Variants in LIMS1 observed in about 807,000 individuals in gnomAD.
The protein encoded by LIMS1 is LIM zinc finger domain containing 1.
In LIMS1, 18 loss-of-function variants were observed where a neutral mutation model predicts 44.1. The observed-to-expected ratio is 0.41, with a 90% confidence interval of 0.28 to 0.61. The LOEUF is 0.61. Ranked by LOEUF, LIMS1 falls within the 20% of genes least tolerant of loss-of-function variation. The pLI, the probability that LIMS1 is intolerant of heterozygous loss-of-function variation, is 0.32. For synonymous variants in LIMS1, 93 were observed against 149.1 expected, an observed-to-expected ratio of 0.62 and a Z score of 2.74; for missense variants, 201 against 422.0, an observed-to-expected ratio of 0.48 and a Z score of 4.59.
At chr2:108,656,034 G>A (rs1378496374) in intron 1 of LIMS1, among the ~76,000 whole-genome samples, 2 of 90,364 alleles carry the variant, frequency 2.2e-5, no homozygotes, top group Non-Finnish European at 4.6e-5. Flanking sequence ...GTGCTCTGTG[G>A]TACAGATGTC....
At chr2:108,585,540 C>T (rs1558797471) in intron 1 of LIMS1, among the ~76,000 whole-genome samples, 1 of 152,054 alleles carries the variant, frequency 6.6e-6, no homozygotes, top group Non-Finnish European at 1.5e-5. Context: ...GAAGGTCCAG[C>T]CAGTGCCACT....
At chr2:108,661,618 T>C (rs576310163) in intron 2 of LIMS1, among the ~76,000 whole-genome samples, 2 of 152,198 alleles carry the variant, frequency 1.3e-5, no homozygotes, top group South Asian at 2.1e-4. Context: ...TGTGATTAGC[T>C]GGTGAGGAGA....
chr2:108,590,100 C>T (rs1296849473), intron 1 of LIMS1, among the ~76,000 whole-genome samples: 2 of 152,224 alleles, frequency 1.3e-5, no homozygotes, highest in Admixed American at 1.3e-4. Context: ...TGCTTTACTA[C>T]ATGACTTGCC....
intron 2 of LIMS1, among the ~76,000 whole-genome samples, chr2:108,661,444 T>C (rs917888414): frequency 3.3e-5 from 5 of 152,042 alleles, no homozygotes; most frequent in Non-Finnish European, 5.9e-5. Context: ...TGGGAATCTT[T>C]TGGGCAAGGA....
chr2:108,560,672 A>G (rs751107806), intron 1 of LIMS1, among the ~76,000 whole-genome samples: 1 of 151,932 alleles, frequency 6.6e-6, no homozygotes, highest in Non-Finnish European at 1.5e-5. Flanking sequence ...ACTGCTAAAC[A>G]CAAACACACA....
At chr2:108,643,974 C>T (rs775447188) in intron 1 of LIMS1, among the ~76,000 whole-genome samples, 2 of 152,326 alleles carry the variant, frequency 1.3e-5, no homozygotes, top group Non-Finnish European at 1.5e-5. Flanking sequence ...TAGATTCCCT[C>T]CTCTCTGGGT....
intron 1 of LIMS1, among the ~76,000 whole-genome samples, chr2:108,620,076 G>GT (rs1170910542): frequency 6.6e-6 from 1 of 152,184 alleles, no homozygotes; most frequent in Non-Finnish European, 1.5e-5. Context: ...AAAGTCATTT[G>GT]TTTTTCCTGG....
At chr2:108,549,191 G>A (rs1308154470) in intron 1 of LIMS1, among the ~76,000 whole-genome samples, 1 of 149,570 alleles carries the variant, frequency 6.7e-6, no homozygotes. Context: ...GTATATTTGT[G>A]GGTAGTTGCT....
chr2:108,600,621 G>A (rs1686955915), intron 1 of LIMS1, among the ~76,000 whole-genome samples: 3 of 152,194 alleles, frequency 2.0e-5, no homozygotes, highest in Non-Finnish European at 4.4e-5. Flanking sequence ...ATTTGTTGAA[G>A]AGACTGTCTT....
At chr2:108,607,314 A>G in intron 1 of LIMS1, 1 of 1,468,932 alleles carries the variant, frequency 6.8e-7, no homozygotes. Flanking sequence ...CAAATAGAAC[A>G]TAATTGAGCA....
exon 10 of LIMS1, chr2:108,684,195 C>T (rs1345854303): frequency 3.0e-6 from 1 of 332,520 alleles, no homozygotes; most frequent in African/African-American, 2.2e-5. Context: ...CAGTATTTGC[C>T]TTTGTTAACC....
At chr2:108,637,152 A>G (rs1454053941) in intron 1 of LIMS1, among the ~76,000 whole-genome samples, 1 of 116,610 alleles carries the variant, frequency 8.6e-6, no homozygotes, top group Non-Finnish European at 1.8e-5. Context: ...TGTGTATTTT[A>G]GTTCCTCTGC....
chr2:108,646,619 G>T (rs1163082802), intron 1 of LIMS1, among the ~76,000 whole-genome samples: 3 of 152,126 alleles, frequency 2.0e-5, no homozygotes, highest in Admixed American at 6.5e-5. Context: ...AAGACAAGAA[G>T]TAACTAAGAT....
chr2:108,622,552 G>A (rs1688308471), intron 1 of LIMS1, among the ~76,000 whole-genome samples: 1 of 152,124 alleles, frequency 6.6e-6, no homozygotes, highest in African/African-American at 2.4e-5. Context: ...AGAACTTATC[G>A]CTTACTATGT....
exon 6 of LIMS1, chr2:108,675,896 T>C (rs1692521406): frequency 6.2e-7 from 1 of 1,613,992 alleles, no homozygotes; most frequent in Non-Finnish European, 8.5e-7. Context: ...TGACTGCCGA[T>C]GCACGGGAGC....
chr2:108,565,732 T>TA (rs1339874623), intron 1 of LIMS1, among the ~76,000 whole-genome samples: 1 of 152,164 alleles, frequency 6.6e-6, no homozygotes. Flanking sequence ...AACAGAAACT[T>TA]ACATTTCACA....
chr2:108,673,180 T>C lies in LIMS1; in HGVS notation c.530+151T>C, dbSNP rs116271373. The C allele has an allele frequency of 2.5e-3, 3,016 of 1,204,898 alleles. 64 individuals are homozygous for C. The African/African-American group carries it at 0.043, about 17-fold the overall frequency. 74.6% of individuals were successfully genotyped at this position (1,204,898 alleles called of 1,614,324 possible). ...CTATAGACGAGTCAAGAGAATGATA[T>C]AATGAAACCTGTATACACTTAATTT... On this transcript the variant is annotated intron_variant, in intron 5 of 9. Coordinates refer to ENST00000544547, the Ensembl canonical transcript of LIMS1.
At position 108,570,429 on chromosome 2, in the gene LIMS1, C is replaced by CA. The variant is rs575151325; in HGVS notation, c.32+35842dup. On this transcript the variant is annotated intron_variant, in intron 1 of 9. Coordinates refer to ENST00000544547, the Ensembl canonical transcript of LIMS1. Reference sequence around the variant, plus strand: ...TGGGCAGCAGAGCAAGACTCCATCTCAAAAAAATAAAGTAATACTATATTC... The same window carrying CA: ...TGGGCAGCAGAGCAAGACTCCATCTCAAAAAAAATAAAGTAATACTATATTC... 9.1e-4 allele frequency among the ~76,000 whole-genome samples: 139 copies of CA among 152,128 alleles called. 1 individual carries two copies. The South Asian group carries it at 0.015, about 17-fold the overall frequency.
At chr2:108,667,297 C>T (rs1691825761) in intron 2 of LIMS1, among the ~76,000 whole-genome samples, 1 of 152,036 alleles carries the variant, frequency 6.6e-6, no homozygotes, top group African/African-American at 2.4e-5. Context: ...TGAGGGTATG[C>T]CATGAGCTAG....
Sources: allele counts gnomAD v4.1 joint callset (sites outside exome capture counted in the v4.1 genomes callset), GRCh38; gene constraint gnomAD v4.1.1; transcripts MANE v1.5; gene names NCBI Gene and HGNC (gene_info 2026-07-23, HGNC 2026-07-21).